The following NFAT5 variants were observed in gnomAD, a reference collection of about 807,000 sequenced individuals.
The protein encoded by NFAT5 is nuclear factor of activated T cells 5.
Under a neutral mutation model 166.5 loss-of-function variants are expected in NFAT5, and 31 were observed. The ratio of observed to expected loss-of-function variants is 0.19; its 90% CI spans 0.14 to 0.25. The LOEUF is 0.25. Ranked by LOEUF, NFAT5 falls within the 10% of genes least tolerant of loss-of-function variation. The pLI is 1.00. For missense variants in NFAT5, 1,449 were observed against 1,821.8 expected, an observed-to-expected ratio of 0.80 and a Z score of 3.72; for synonymous variants, 612 against 639.7, an observed-to-expected ratio of 0.96 and a Z score of 0.65.
chr16:69,654,113 A>G (rs1337016584), intron 5 of NFAT5, among the ~76,000 whole-genome samples: 1 of 152,146 alleles, frequency 6.6e-6, no homozygotes, highest in Admixed American at 6.5e-5. Flanking sequence ...AGCACCTAGG[A>G]TATCTTGGTA....
At chr16:69,622,316 T>C (rs1417442533) in intron 2 of NFAT5, among the ~76,000 whole-genome samples, 1 of 152,230 alleles carries the variant, frequency 6.6e-6, no homozygotes, top group East Asian at 1.9e-4. Context: ...TGGTAATGAC[T>C]ATATGAACTG....
intron 10 of NFAT5, among the ~76,000 whole-genome samples, chr16:69,680,614 C>A (rs922863974): frequency 2.0e-5 from 3 of 152,186 alleles, no homozygotes; most frequent in Admixed American, 2.0e-4. Context: ...TTGTATGTTA[C>A]AGATAGCAAT....
rs774263990 is a variant in NFAT5 at position 69,693,665 on chromosome 16, GCAA to G, written c.3849_3851del (p.Gln1284del). ...AGCAACAGCAGCAGCAACAGCAGCA[GCAA>G]CAACAACAGAGCATTTTATTCAGTA... On this transcript the variant is annotated inframe_deletion, in exon 13 of 15. Coordinates refer to ENST00000349945, the MANE Select transcript of NFAT5 (RefSeq NM_138713.4). 1.6e-4 allele frequency: 263 copies of G among 1,614,138 alleles called. No individual in the cohort carries two copies. The highest frequency in any genetic ancestry group is 2.1e-4 in the Non-Finnish European group (243 of 1,180,030).
intron 2 of NFAT5, among the ~76,000 whole-genome samples, chr16:69,588,199 C>T (rs548834728): frequency 6.6e-6 from 1 of 152,166 alleles, no homozygotes; most frequent in South Asian, 2.1e-4. Flanking sequence ...ATCCACCTGC[C>T]TCGGCCTCCC....
At chr16:69,650,154 A>G (rs2035606657) in intron 4 of NFAT5, among the ~76,000 whole-genome samples, 1 of 152,068 alleles carries the variant, frequency 6.6e-6, no homozygotes, top group Admixed American at 6.5e-5. Flanking sequence ...GACATAGGTC[A>G]CCAGAAGGAT....
intron 9 of NFAT5, among the ~76,000 whole-genome samples, chr16:69,672,140 G>A (rs1251608753): frequency 6.6e-6 from 1 of 152,204 alleles, no homozygotes; most frequent in Non-Finnish European, 1.5e-5. Flanking sequence ...CGTATAGTGT[G>A]GAGATTCCTA....
intron 3 of NFAT5, among the ~76,000 whole-genome samples, chr16:69,639,371 T>G (rs984077254): frequency 3.2e-4 from 49 of 152,276 alleles, no homozygotes; most frequent in African/African-American, 1.1e-3. Context: ...TTAGTAAATA[T>G]TATATGAGTG....
chr16:69,648,164 G>A (rs1428645199), intron 4 of NFAT5: 25 of 948,018 alleles, frequency 2.6e-5, no homozygotes, highest in Admixed American at 7.2e-5. Flanking sequence ...CGACAAGAGC[G>A]AAACTCCATC....
chr16:69,612,875 G>A (rs244414), intron 2 of NFAT5, among the ~76,000 whole-genome samples: 133,255 of 150,184 alleles, frequency 0.89, 59,207 homozygotes, highest in African/African-American at 0.96. Context: ...AAAAAAAAAA[G>A]GCAAAACTGT....
At chr16:69,603,074 A>G (rs1050835867) in intron 2 of NFAT5, among the ~76,000 whole-genome samples, 4 of 152,194 alleles carry the variant, frequency 2.6e-5, no homozygotes, top group African/African-American at 9.6e-5. Flanking sequence ...TTAAAGAAAC[A>G]TATCAAATTA....
At chr16:69,581,622 A>G (rs1180779305) in intron 2 of NFAT5, among the ~76,000 whole-genome samples, 4 of 152,172 alleles carry the variant, frequency 2.6e-5, no homozygotes, top group Admixed American at 6.5e-5. Flanking sequence ...TGTCTTTTTA[A>G]TAAAGCCATC....
At chr16:69,695,578 T>C (rs1212643344) in intron 14 of NFAT5, 199 bp downstream of exon 14, 2 of 513,774 alleles carry the variant, frequency 3.9e-6, no homozygotes, top group Non-Finnish European at 3.5e-6. Flanking sequence ...GCGTGGTGGC[T>C]CATGCCTGTA....
intron 2 of NFAT5, among the ~76,000 whole-genome samples, chr16:69,606,590 C>T (rs1189947494): frequency 1.3e-5 from 2 of 152,088 alleles, no homozygotes; most frequent in Non-Finnish European, 2.9e-5. Flanking sequence ...TATGGTGGCT[C>T]ACGGGTGTAA....
intron 7 of NFAT5, among the ~76,000 whole-genome samples, chr16:69,663,708 C>G (rs2036246363): frequency 6.6e-6 from 1 of 151,702 alleles, no homozygotes. Context: ...CATCTCCACA[C>G]ACAAAAAAAA....
intron 4 of NFAT5, among the ~76,000 whole-genome samples, chr16:69,650,477 A>G (rs1228186179): frequency 6.6e-6 from 1 of 152,150 alleles, no homozygotes; most frequent in Non-Finnish European, 1.5e-5. Flanking sequence ...ATTACATGAT[A>G]TTCTTCTTTA....
intron 11 of NFAT5, chr16:69,685,610 T>C (rs2037267466): frequency 6.6e-6 from 1 of 151,894 alleles, no homozygotes; most frequent in Admixed American, 6.6e-5. Context: ...CCCAGCACTT[T>C]CAGAGGCCAA....
At chr16:69,569,477 A>G (rs142022429) in intron 2 of NFAT5, among the ~76,000 whole-genome samples, 1 of 152,152 alleles carries the variant, frequency 6.6e-6, no homozygotes, top group East Asian at 1.9e-4. Flanking sequence ...TTTAAGTTTG[A>G]CTTGAGAAGA....
intron 8 of NFAT5, 40 bp from the exon 9 acceptor site, chr16:69,670,196 T>G (rs919169996): frequency 6.4e-7 from 1 of 1,562,482 alleles, no homozygotes; most frequent in East Asian, 2.3e-5. Context: ...GTAAAAAAAA[T>G]AGTTCAAAAA....
intron 2 of NFAT5, among the ~76,000 whole-genome samples, chr16:69,591,977 T>A (rs1347813587): frequency 6.6e-6 from 1 of 152,166 alleles, no homozygotes; most frequent in African/African-American, 2.4e-5. Context: ...ATAAAAACTT[T>A]AAGCTTTATT....
Sources: gnomAD v4.1 joint callset for allele counts (sites outside exome capture counted in the v4.1 genomes callset) on GRCh38, gnomAD v4.1.1 for gene constraint, MANE v1.5 for transcripts, NCBI Gene and HGNC (gene_info 2026-07-23, HGNC 2026-07-21) for gene names.